Variants in AKAP19 observed in about 807,000 individuals in gnomAD.
AKAP19 encodes small A-kinase anchoring protein.
chr2:189,901,239 G>C, the AKAP19 span, among the ~76,000 whole-genome samples: 8 of 151,968 alleles, frequency 5.3e-5, no homozygotes, highest in Non-Finnish European at 1.2e-4. Flanking sequence ...ATATATTAGA[G>C]AGTTTTTTTT....
the AKAP19 span, among the ~76,000 whole-genome samples, chr2:190,105,035 A>C: frequency 6.6e-6 from 1 of 152,214 alleles, no homozygotes; most frequent in Non-Finnish European, 1.5e-5. Flanking sequence ...ATACACAGTT[A>C]GTGGAAGTCT....
chr2:190,197,331 C>G, the AKAP19 span, among the ~76,000 whole-genome samples: 1 of 152,200 alleles, frequency 6.6e-6, no homozygotes, highest in Admixed American at 6.5e-5. The surrounding 1 kb of genome is among the most constrained non-coding windows in gnomAD (Gnocchi z 4.0). Flanking sequence ...GATTGCTCCA[C>G]TCAGGCTGCA....
chr2:190,148,875 G>A, the AKAP19 span, among the ~76,000 whole-genome samples: 3 of 151,930 alleles, frequency 2.0e-5, no homozygotes, highest in East Asian at 5.8e-4. Context: ...GTTTCTTAGT[G>A]AGGTTATTTA....
chr2:189,917,115 C>G, the AKAP19 span: 277 of 383,146 alleles, frequency 7.2e-4, no homozygotes, highest in African/African-American at 5.7e-3. Context: ...AGCACAAACC[C>G]TCATATTAAT....
At chr2:190,181,648 T>C in the AKAP19 span, among the ~76,000 whole-genome samples, 1 of 152,214 alleles carries the variant, frequency 6.6e-6, no homozygotes, top group Non-Finnish European at 1.5e-5. Context: ...CTCTTGTCTC[T>C]GGTCTGACAC....
chr2:189,885,115 A>C, the AKAP19 span, among the ~76,000 whole-genome samples: 15,927 of 152,084 alleles, frequency 0.1, 1,213 homozygotes, highest in East Asian at 0.2. Flanking sequence ...TCATTTCTTT[A>C]TTGTACACAT....
the AKAP19 span, among the ~76,000 whole-genome samples, chr2:190,193,054 G>A: frequency 2.0e-5 from 3 of 152,022 alleles, no homozygotes; most frequent in East Asian, 5.8e-4. Context: ...CAGAAATCAT[G>A]AGAATGACTA....
the AKAP19 span, among the ~76,000 whole-genome samples, chr2:190,092,910 G>A: frequency 6.6e-6 from 1 of 152,190 alleles, no homozygotes. Context: ...TCTGTGAAGA[G>A]TTTTACTTAC....
chr2:190,179,311 G>A, the AKAP19 span, among the ~76,000 whole-genome samples: 1 of 151,990 alleles, frequency 6.6e-6, no homozygotes, highest in African/African-American at 2.4e-5. This position sits in a 1 kb window ranked among gnomAD's most constrained non-coding sequence, Gnocchi z 6.0. Context: ...AGGAGCTGAG[G>A]CAGGAGAATC....
the AKAP19 span, among the ~76,000 whole-genome samples, chr2:189,971,090 C>G: frequency 2.0e-4 from 31 of 152,212 alleles, no homozygotes; most frequent in Middle Eastern, 0.01. Context: ...CCCATTAACT[C>G]ATCATTTACA....
chr2:190,100,314 G>A, the AKAP19 span, among the ~76,000 whole-genome samples: 3 of 152,146 alleles, frequency 2.0e-5, no homozygotes, highest in African/African-American at 7.2e-5. Context: ...CTATGTGGAA[G>A]GACTTTGAAG....
the AKAP19 span, among the ~76,000 whole-genome samples, chr2:190,030,732 A>C: frequency 3.9e-5 from 6 of 152,342 alleles, no homozygotes; most frequent in Non-Finnish European, 7.3e-5. Context: ...TAACTTTATA[A>C]ACCTAGCTTT....
At chr2:190,135,418 A>G in the AKAP19 span, among the ~76,000 whole-genome samples, 23 of 152,302 alleles carry the variant, frequency 1.5e-4, no homozygotes, top group African/African-American at 5.3e-4. Flanking sequence ...CGTGATTTAT[A>G]TGCACACTAA....
the AKAP19 span, among the ~76,000 whole-genome samples, chr2:189,919,108 T>C: frequency 6.6e-6 from 1 of 152,238 alleles, no homozygotes; most frequent in Non-Finnish European, 1.5e-5. Flanking sequence ...TGGTACCCTC[T>C]GCAGTTTTAG....
At chr2:190,118,044 G>A in the AKAP19 span, among the ~76,000 whole-genome samples, 1 of 152,110 alleles carries the variant, frequency 6.6e-6, no homozygotes, top group Non-Finnish European at 1.5e-5. Context: ...TATCACCACC[G>A]ATCCCACAGA....
the AKAP19 span, among the ~76,000 whole-genome samples, chr2:190,147,571 T>C: frequency 6.6e-6 from 1 of 152,162 alleles, no homozygotes; most frequent in Admixed American, 6.5e-5. Flanking sequence ...TGTGTTAAAT[T>C]TGTAGATTGC....
chr2:189,917,226 G>A, the AKAP19 span: 1 of 1,056,500 alleles, frequency 9.5e-7, no homozygotes, highest in African/African-American at 1.6e-5. Flanking sequence ...ATACTTAACT[G>A]TCCTTTCATC....
chr2:190,072,206 G>A, the AKAP19 span, among the ~76,000 whole-genome samples: 1 of 152,060 alleles, frequency 6.6e-6, no homozygotes, highest in African/African-American at 2.4e-5. Flanking sequence ...ACAGCTAAAC[G>A]TTGGGTAGTC....
At chr2:190,005,754 T>A in the AKAP19 span, among the ~76,000 whole-genome samples, 2 of 152,222 alleles carry the variant, frequency 1.3e-5, no homozygotes, top group Non-Finnish European at 2.9e-5. Context: ...CTGTTTTCTT[T>A]GTAAATGCAA....
Sources: gnomAD v4.1 joint callset for allele counts (sites outside exome capture counted in the v4.1 genomes callset) on GRCh38, gnomAD v4.1.1 for gene constraint, Gnocchi (gnomAD v3.1) non-coding constraint, MANE v1.5 for transcripts, NCBI Gene and HGNC (gene_info 2026-07-23, HGNC 2026-07-21) for gene names.